VEGFD: variants seen among roughly 807,000 people sequenced by gnomAD.
The protein encoded by VEGFD is vascular endothelial growth factor D.
A neutral mutation model predicts 28.0 loss-of-function variants in VEGFD; 26 were observed. The ratio of observed to expected loss-of-function variants is 0.93; its 90% CI spans 0.68 to 1.29. VEGFD has a LOEUF of 1.29. VEGFD is among the 50% of genes most tolerant of loss of function. The pLI, the probability that VEGFD is intolerant of heterozygous loss-of-function variation, is 0.00. For missense variants in VEGFD, 294 were observed against 273.4 expected, an observed-to-expected ratio of 1.08 and a Z score of -0.53; for synonymous variants, 93 against 95.5, an observed-to-expected ratio of 0.97 and a Z score of 0.15.
Position 15,345,821 on chromosome X carries a change from A to G in VEGFD, c.*312T>C, listed in dbSNP as rs1171561390. The G allele has an allele frequency of 1.2e-5, 3 of 251,055 alleles. No homozygotes were observed. The highest frequency in any genetic ancestry group is 2.1e-5 in the Non-Finnish European group (3 of 141,632). 20.7% of individuals were successfully genotyped at this position (251,055 alleles called of 1,213,427 possible). On this transcript the variant is annotated 3_prime_UTR_variant, in exon 7 of 7. Coordinates refer to ENST00000297904, the MANE Select transcript of VEGFD (RefSeq NM_004469.5). ...CCTCATCTGCTCTGAGTAATCAGTCATATGACACCTGCCATTCCATGACCA... is the reference window on the plus strand; with the variant it reads ...CCTCATCTGCTCTGAGTAATCAGTCGTATGACACCTGCCATTCCATGACCA...
At chrX:15,371,425 A>G (rs1432022381) in intron 1 of VEGFD, among the ~76,000 whole-genome samples, 1 of 112,304 alleles carries the variant, frequency 8.9e-6, no homozygotes, top group Non-Finnish European at 1.9e-5. Flanking sequence ...TAGTTTTGCA[A>G]GTAATTTTCT....
chrX:15,370,341 CT>C (rs770491346), intron 1 of VEGFD, among the ~76,000 whole-genome samples: 1 of 112,070 alleles, frequency 8.9e-6, no homozygotes, highest in East Asian at 2.8e-4. Context: ...AAAAGTAACC[CT>C]GAGATTATTC....
intron 1 of VEGFD, among the ~76,000 whole-genome samples, chrX:15,379,883 CAGGATTTTTATGTTAAGAAATAAGTCA>C (rs1923526952): frequency 8.9e-6 from 1 of 111,775 alleles, no homozygotes; most frequent in African/African-American, 3.3e-5. Context: ...AGGTCTAAAA[CAGGATTTTTATGTTAAGAAATAAGTCA>C]TACAAGGAAG....
chrX:15,350,843 T>TCTTTTTCTCTTTC (rs530004999), intron 5 of VEGFD, among the ~76,000 whole-genome samples: 10 of 92,915 alleles, frequency 1.1e-4, no homozygotes, highest in African/African-American at 2.1e-4. Flanking sequence ...TCTTTTCTTT[T>TCTTTTTCTCTTTC]TCTCTTTCTC....
intron 2 of VEGFD, among the ~76,000 whole-genome samples, chrX:15,360,675 T>G (rs1922992361): frequency 8.9e-6 from 1 of 112,097 alleles, no homozygotes; most frequent in South Asian, 3.7e-4. Flanking sequence ...TTATTAATAT[T>G]TATATAAAAA....
At chrX:15,371,538 A>G (rs1923309345) in intron 1 of VEGFD, among the ~76,000 whole-genome samples, 1 of 112,053 alleles carries the variant, frequency 8.9e-6, no homozygotes, top group Non-Finnish European at 1.9e-5. Context: ...TTTGCCTTCT[A>G]TAACCTATTT....
chrX:15,363,390 T>C (rs1923068678), intron 1 of VEGFD, 71 bp from the exon 2 acceptor site: 1 of 879,593 alleles, frequency 1.1e-6, no homozygotes, highest in Non-Finnish European at 1.6e-6. Context: ...AATCTTCATT[T>C]CTGACACTTA....
In VEGFD at chrX:15,347,384, G is replaced by A. The variant is rs775597627; in HGVS notation, c.743-25C>T. On this transcript the variant is annotated intron_variant, in intron 5 of 6. Transcript: ENST00000297904. ...TCTAAAGAGAAACAGAAACGTGTTG[G>A]TCAGATAGTTGTAGTGTGGCAATTG... is the stretch of plus-strand genomic sequence containing the variant. 6.1e-6 allele frequency: 7 copies of A among 1,148,163 alleles called. No homozygotes were observed. In the East Asian group the frequency reaches 2.1e-4, roughly 35 times the overall value. The allele number at this position is 1,148,163 out of a possible 1,213,427, so 94.6% of individuals were successfully genotyped here. A position where few individuals can be genotyped will look rare whatever the true frequency, so the allele number is the denominator to read the frequency against.
intron 1 of VEGFD, among the ~76,000 whole-genome samples, chrX:15,377,234 A>T (rs886383177): frequency 9.8e-5 from 11 of 112,042 alleles, no homozygotes; most frequent in African/African-American, 3.6e-4. Context: ...ATTTACTGAG[A>T]TGAATATGTG....
At chrX:15,374,397 G>A (rs1380672460) in intron 1 of VEGFD, among the ~76,000 whole-genome samples, 1 of 112,294 alleles carries the variant, frequency 8.9e-6, no homozygotes, top group African/African-American at 3.2e-5. Context: ...ATGAACTACT[G>A]GGACACTGGT....
At chrX:15,347,127 T>C in intron 6 of VEGFD, 37 bp downstream of exon 6, 2 of 1,145,607 alleles carry the variant, frequency 1.7e-6, no homozygotes, top group Non-Finnish European at 1.2e-6. Context: ...CTACGTTAAA[T>C]GTCATGAGTA....
At chrX:15,363,358 T>C (rs1326093997) in intron 1 of VEGFD, 39 bp from the exon 2 acceptor site, 6 of 1,053,666 alleles carry the variant, frequency 5.7e-6, no homozygotes, top group Non-Finnish European at 7.8e-6. Context: ...AACAAGTTAC[T>C]AAATTTTAAA....
rs1370913523 is a variant in VEGFD, at chrX:15,357,994, T to A, written c.492+9A>T. On this transcript the variant is annotated intron_variant, in intron 3 of 6. Transcript: ENST00000297904. ...TTTAGAGACGGCAGGCTTGCCGATG[T>A]CCTTATACCTGTTTGGAAATGTACG... The A allele has an allele frequency of 2.5e-6, 3 of 1,198,285 alleles. No individual in the cohort carries two copies. The South Asian group carries it at 5.5e-5, about 22-fold the overall frequency.
intron 1 of VEGFD, among the ~76,000 whole-genome samples, chrX:15,372,615 T>C (rs1923340225): frequency 9.0e-6 from 1 of 111,032 alleles, no homozygotes; most frequent in African/African-American, 3.3e-5. Flanking sequence ...TCCCAGGTGT[T>C]AGCCTTAGAG....
At chrX:15,356,481 G>T (rs1381205917) in intron 3 of VEGFD, among the ~76,000 whole-genome samples, 1 of 112,254 alleles carries the variant, frequency 8.9e-6, no homozygotes, top group African/African-American at 3.2e-5. Flanking sequence ...TTAATCATTT[G>T]TTGAGTACAG....
chrX:15,348,790 G>C lies in VEGFD; in HGVS notation c.743-1431C>G, dbSNP rs1922616703. On this transcript the variant is annotated intron_variant, in intron 5 of 6. Transcript: ENST00000297904. ...GTATGTTTCCCCCATTAAGTAAAAT[G>C]TCCTGAAGGAGAAGGAGCAGGTCTC... Among the ~76,000 whole-genome samples the C allele has an allele frequency of 1.8e-5, 2 of 112,370 alleles. 1 individual carries two copies. Among genetic ancestry groups the C allele is most frequent in the Admixed American group, 1.9e-4 (2 of 10,584 alleles).
chrX:15,361,388 A>G (rs780760263), intron 2 of VEGFD, among the ~76,000 whole-genome samples: 68 of 111,622 alleles, frequency 6.1e-4, no homozygotes, highest in African/African-American at 1.8e-3. Context: ...TTCTGTCTGA[A>G]GTGAGCTCGA....
chrX:15,367,173 C>A (rs1923168098), intron 1 of VEGFD, among the ~76,000 whole-genome samples: 1 of 112,022 alleles, frequency 8.9e-6, no homozygotes, highest in African/African-American at 3.2e-5. Flanking sequence ...ATGAGAGGAT[C>A]ACTGTCAGAA....
At chrX:15,376,688 A>G (rs1416212723) in intron 1 of VEGFD, among the ~76,000 whole-genome samples, 2 of 111,573 alleles carry the variant, frequency 1.8e-5, no homozygotes, top group Non-Finnish European at 3.8e-5. Context: ...TTCCTTATCA[A>G]CATCCTCTGC....
Sources: gnomAD v4.1 joint callset for allele counts (sites outside exome capture counted in the v4.1 genomes callset) on GRCh38, gnomAD v4.1.1 for gene constraint, MANE v1.5 for transcripts, NCBI Gene and HGNC (gene_info 2026-07-23, HGNC 2026-07-21) for gene names.